GPR158: variants seen among roughly 807,000 people sequenced by gnomAD.
GPR158 encodes metabotropic glycine receptor.
GPR158 carries 30 observed loss-of-function variants against 78.2 expected under a neutral mutation model. That is an observed-to-expected ratio of 0.38 (90% CI 0.29 to 0.52). GPR158 has a LOEUF of 0.52. Among genes scored for constraint, GPR158 ranks in the 20% least tolerant of loss-of-function variants. The pLI is 0.83. For missense variants in GPR158, 1,463 were observed against 1,523.5 expected, an observed-to-expected ratio of 0.96 and a Z score of 0.66; for synonymous variants, 581 against 591.1, an observed-to-expected ratio of 0.98 and a Z score of 0.25.
chr10:25,186,960 ATTTTT>A (rs1172184108), intron 1 of GPR158, among the ~76,000 whole-genome samples: 3 of 119,242 alleles, frequency 2.5e-5, no homozygotes, highest in African/African-American at 9.9e-5. Flanking sequence ...TCCCTAACTC[ATTTTT>A]TTTTTTTTTT....
chr10:25,283,521 C>T (rs1031984757), intron 2 of GPR158, among the ~76,000 whole-genome samples: 4 of 151,918 alleles, frequency 2.6e-5, no homozygotes, highest in Non-Finnish European at 5.9e-5. Context: ...AATAATGGAA[C>T]ACTAGGCATA....
chr10:25,311,537 CT>C (rs1430793340), intron 2 of GPR158, among the ~76,000 whole-genome samples: 5 of 151,920 alleles, frequency 3.3e-5, no homozygotes, highest in Non-Finnish European at 5.9e-5. Context: ...AGTTTACTGA[CT>C]TCATTACTTT....
intron 7 of GPR158, among the ~76,000 whole-genome samples, chr10:25,586,317 G>A (rs1380934766): frequency 6.6e-6 from 1 of 151,348 alleles, no homozygotes; most frequent in Non-Finnish European, 1.5e-5. Context: ...CAGTAAGATA[G>A]TGTTGAAAGT....
At chr10:25,319,527 A>G (rs1854914975) in intron 2 of GPR158, among the ~76,000 whole-genome samples, 1 of 152,212 alleles carries the variant, frequency 6.6e-6, no homozygotes. Context: ...TTCTAGAATG[A>G]AACCTAATGT....
chr10:25,355,193 T>G (rs541715803), intron 2 of GPR158, among the ~76,000 whole-genome samples: 2 of 151,356 alleles, frequency 1.3e-5, no homozygotes, highest in South Asian at 4.1e-4. Context: ...ATTCTAGCAT[T>G]GGTCTTTAGG....
chr10:25,458,048 AT>A (rs1208118315), intron 4 of GPR158, among the ~76,000 whole-genome samples: 1 of 152,190 alleles, frequency 6.6e-6, no homozygotes, highest in East Asian at 1.9e-4. Context: ...AAAATCATTA[AT>A]TTTTTATTTA....
At chr10:25,231,142 A>G (rs1005240512) in intron 2 of GPR158, among the ~76,000 whole-genome samples, 2 of 152,224 alleles carry the variant, frequency 1.3e-5, no homozygotes, top group Non-Finnish European at 2.9e-5. Flanking sequence ...ATGATAAAGC[A>G]AACTATTATT....
At chr10:25,483,421 C>T (rs1835686174) in intron 5 of GPR158, among the ~76,000 whole-genome samples, 2 of 152,086 alleles carry the variant, frequency 1.3e-5, no homozygotes, top group Admixed American at 6.6e-5. Flanking sequence ...TGATGAAGCT[C>T]ACCCCGACTA....
intron 2 of GPR158, among the ~76,000 whole-genome samples, chr10:25,261,042 A>C (rs1473226012): frequency 1.3e-5 from 2 of 152,120 alleles, no homozygotes; most frequent in Non-Finnish European, 2.9e-5. Flanking sequence ...TCTTGTCCTG[A>C]GCTGTCCTAC....
intron 2 of GPR158, among the ~76,000 whole-genome samples, chr10:25,258,421 A>G (rs1037516256): frequency 5.9e-5 from 9 of 152,148 alleles, no homozygotes; most frequent in Admixed American, 4.6e-4. Flanking sequence ...TCTTTGAGGA[A>G]CTAAAGTTCT....
intron 5 of GPR158, among the ~76,000 whole-genome samples, chr10:25,523,370 C>T (rs149425308): frequency 2.4e-4 from 37 of 152,302 alleles, no homozygotes; most frequent in East Asian, 1.2e-3. Flanking sequence ...GCTAGGAATG[C>T]GACATGAGTA....
At chr10:25,418,587 T>G (rs1834697333) in intron 4 of GPR158, among the ~76,000 whole-genome samples, 1 of 151,234 alleles carries the variant, frequency 6.6e-6, no homozygotes. Flanking sequence ...TAATTTATTC[T>G]ACATTTTTTA....
chr10:25,405,147 A>G (rs1057314407), intron 3 of GPR158, among the ~76,000 whole-genome samples: 5 of 152,124 alleles, frequency 3.3e-5, no homozygotes, highest in African/African-American at 1.2e-4. Context: ...CATTATTAGG[A>G]AAGATAGATG....
chr10:25,310,235 T>C (rs1181079229), intron 2 of GPR158, among the ~76,000 whole-genome samples: 1 of 152,208 alleles, frequency 6.6e-6, no homozygotes, highest in African/African-American at 2.4e-5. Context: ...ATCTGCGCTC[T>C]CTGTTCAGTT....
chr10:25,339,046 G>T (rs1855266363), intron 2 of GPR158, among the ~76,000 whole-genome samples: 1 of 146,118 alleles, frequency 6.8e-6, no homozygotes. Context: ...TAAAGACAGG[G>T]TCTCGCTCTG....
intron 2 of GPR158, among the ~76,000 whole-genome samples, chr10:25,268,368 A>C (rs1854071162): frequency 6.6e-6 from 1 of 152,112 alleles, no homozygotes; most frequent in Non-Finnish European, 1.5e-5. Context: ...AGTCTTTGTG[A>C]TTTTAAATAA....
At chr10:25,321,016 T>C (rs559900354) in intron 2 of GPR158, among the ~76,000 whole-genome samples, 1 of 152,310 alleles carries the variant, frequency 6.6e-6, no homozygotes, top group East Asian at 1.9e-4. Context: ...CAAAGTAATA[T>C]AAATGTTTCT....
intron 4 of GPR158, among the ~76,000 whole-genome samples, chr10:25,418,250 G>C (rs1014545338): frequency 2.6e-5 from 4 of 152,134 alleles, no homozygotes; most frequent in African/African-American, 7.2e-5. Flanking sequence ...AAAGAGATTT[G>C]TCCAGGCCCA....
intron 6 of GPR158, among the ~76,000 whole-genome samples, chr10:25,568,420 AAAGTAGGAAGAGAGAAGTAGGAAGG>A (rs2130728340): frequency 6.6e-6 from 1 of 152,302 alleles, no homozygotes; most frequent in African/African-American, 2.4e-5. Flanking sequence ...AAGTAGGAAG[AAAGTAGGAAGAGAGAAGTAGGAAGG>A]AAGTAGGAAG....
Sources: allele counts gnomAD v4.1 joint callset (sites outside exome capture counted in the v4.1 genomes callset), GRCh38; gene constraint gnomAD v4.1.1; transcripts MANE v1.5; gene names NCBI Gene and HGNC (gene_info 2026-07-23, HGNC 2026-07-21).